Variants in RASGRF2 observed in about 807,000 individuals in gnomAD.
RASGRF2 encodes Ras protein specific guanine nucleotide releasing factor 2.
A neutral mutation model predicts 151.0 loss-of-function variants in RASGRF2; 76 were observed. That is an observed-to-expected ratio of 0.50 (90% CI 0.42 to 0.61). The LOEUF (loss-of-function observed/expected upper bound fraction) is 0.61, where lower values mean the gene tolerates loss of function less well. Ranked by LOEUF, RASGRF2 falls within the 20% of genes least tolerant of loss-of-function variation. The pLI is 0.00. For missense variants in RASGRF2, 1,148 were observed against 1,564.6 expected (o/e 0.73, Z 4.49); for synonymous variants, 504 against 566.5 (o/e 0.89, Z 1.57).
chr5:80,973,867 G>A (rs1748022049), intron 1 of RASGRF2, among the ~76,000 whole-genome samples: 1 of 152,162 alleles, frequency 6.6e-6, no homozygotes, highest in Non-Finnish European at 1.5e-5. Context: ...TGAGTATATA[G>A]ATTCGTTCAA....
intron 11 of RASGRF2, 120 bp from the exon 12 acceptor site, chr5:81,094,736 C>T: frequency 8.9e-7 from 1 of 1,120,856 alleles, no homozygotes; most frequent in Non-Finnish European, 1.3e-6. Context: ...TACGATATTG[C>T]TGAAATGAGA....
chr5:81,010,162 A>G (rs1749411292), intron 1 of RASGRF2, among the ~76,000 whole-genome samples: 2 of 151,994 alleles, frequency 1.3e-5, no homozygotes, highest in South Asian at 4.2e-4. Context: ...TCAAAAAAAA[A>G]AAAAGAAAAA....
intron 17 of RASGRF2, among the ~76,000 whole-genome samples, chr5:81,149,415 G>A (rs1011098223): frequency 6.6e-6 from 1 of 152,076 alleles, no homozygotes; most frequent in African/African-American, 2.4e-5. Flanking sequence ...CTTATAAGTG[G>A]GAGCCAAGCC....
At chr5:81,205,439 A>G (rs1755484181) in intron 19 of RASGRF2, among the ~76,000 whole-genome samples, 2 of 152,222 alleles carry the variant, frequency 1.3e-5, no homozygotes, top group Admixed American at 1.3e-4. Context: ...GCTGTCCTGT[A>G]TAACAATCCC....
At chr5:81,126,829 A>G (rs1753468066) in intron 16 of RASGRF2, among the ~76,000 whole-genome samples, 1 of 152,210 alleles carries the variant, frequency 6.6e-6, no homozygotes, top group African/African-American at 2.4e-5. Flanking sequence ...TTTGGCTACT[A>G]TGAGCAATGG....
chr5:81,053,271 C>T (rs537726127), intron 2 of RASGRF2, among the ~76,000 whole-genome samples: 1 of 110,134 alleles, frequency 9.1e-6, no homozygotes, highest in East Asian at 3.4e-4. Flanking sequence ...GTTTTCCCTC[C>T]CCCCTCCCCC....
At chr5:81,098,166 G>A (rs1231495304) in intron 12 of RASGRF2, among the ~76,000 whole-genome samples, 1 of 152,202 alleles carries the variant, frequency 6.6e-6, no homozygotes, top group Non-Finnish European at 1.5e-5. Flanking sequence ...GAGTAAAAGG[G>A]TGAAGGATGA....
chr5:81,034,804 T>TGGGGGGGGGGGGGGGGG (rs3991135), intron 1 of RASGRF2, among the ~76,000 whole-genome samples: 1 of 89,364 alleles, frequency 1.1e-5, no homozygotes, highest in Non-Finnish European at 2.3e-5. Context: ...TGTTGTGGGG[T>TGGGGGGGGGGGGGGGGG]GGGAGGGGGG....
Position 81,042,873 on chromosome 5 carries a change from C to T in RASGRF2, c.289-4C>T. The T allele has an allele frequency of 1.3e-6, 2 of 1,598,094 alleles. No individual in the cohort carries two copies. Among genetic ancestry groups the T allele is most frequent in the African/African-American group, 1.3e-5 (1 of 74,704 alleles). ...AAGTTTTTTGTGTTTCTTTTTCTTT[C>T]CAGTATTACTTTACTGTTCTTTTTG... On this transcript the variant is annotated splice_region_variant and splice_polypyrimidine_tract_variant and intron_variant, in intron 1 of 26. Coordinates refer to ENST00000265080, the MANE Select transcript of RASGRF2 (RefSeq NM_006909.3).
At chr5:80,969,812 C>CTTTTTTT (rs1561531426) in intron 1 of RASGRF2, among the ~76,000 whole-genome samples, 1 of 98,912 alleles carries the variant, frequency 1.0e-5, no homozygotes, top group African/African-American at 4.4e-5. Context: ...AATACTTCTT[C>CTTTTTTT]TTCTTTTTTT....
chr5:81,089,646 C>T (rs1430557691), intron 9 of RASGRF2, among the ~76,000 whole-genome samples: 2 of 152,164 alleles, frequency 1.3e-5, no homozygotes, highest in Non-Finnish European at 2.9e-5. Context: ...GTGTGAGTGT[C>T]TGAGGCAATG....
At chr5:81,208,680 T>C (rs1375825948) in intron 22 of RASGRF2, among the ~76,000 whole-genome samples, 1 of 150,854 alleles carries the variant, frequency 6.6e-6, no homozygotes, top group African/African-American at 2.4e-5. Flanking sequence ...GCCTCCCGAG[T>C]AGCTGGGATT....
At chr5:81,094,776 A>G in intron 11 of RASGRF2, 80 bp from the exon 12 acceptor site, 2 of 1,444,668 alleles carry the variant, frequency 1.4e-6, no homozygotes, top group Non-Finnish European at 1.9e-6. Flanking sequence ...TGGATTGTAT[A>G]AATAGAATAA....
chr5:81,041,617 T>C (rs1198327698), intron 1 of RASGRF2, among the ~76,000 whole-genome samples: 1 of 152,212 alleles, frequency 6.6e-6, no homozygotes, highest in African/African-American at 2.4e-5. Context: ...TGGAGTGGTT[T>C]AGTAAACTAG....
At chr5:81,192,930 CATTAA>C (rs1197338052) in intron 18 of RASGRF2, among the ~76,000 whole-genome samples, 1 of 152,176 alleles carries the variant, frequency 6.6e-6, no homozygotes, top group East Asian at 1.9e-4. Context: ...TCTTGAAAAT[CATTAA>C]ATTAACCCCC....
At chr5:81,009,752 A>G (rs1356714862) in intron 1 of RASGRF2, among the ~76,000 whole-genome samples, 1 of 152,254 alleles carries the variant, frequency 6.6e-6, no homozygotes, top group Non-Finnish European at 1.5e-5. Context: ...AACGTTTACT[A>G]CAGTTTTAAG....
chr5:81,183,404 C>A, intron 18 of RASGRF2: 5 of 771,858 alleles, frequency 6.5e-6, no homozygotes, highest in Non-Finnish European at 7.9e-6. Flanking sequence ...GGTTGGTTCT[C>A]CAGAGAAATA....
chr5:81,163,412 T>A (rs1754432792), intron 17 of RASGRF2, among the ~76,000 whole-genome samples: 1 of 152,028 alleles, frequency 6.6e-6, no homozygotes, highest in South Asian at 2.1e-4. Context: ...TTTTTAACCA[T>A]CTTAATTCAA....
At chr5:81,199,830 G>A (rs1234677110) in intron 18 of RASGRF2, among the ~76,000 whole-genome samples, 8 of 148,864 alleles carry the variant, frequency 5.4e-5, no homozygotes, top group Admixed American at 4.7e-4. Flanking sequence ...CCCGGGAAGC[G>A]GAGGTTGCAG....
Sources: gnomAD v4.1 joint callset for allele counts (sites outside exome capture counted in the v4.1 genomes callset) on GRCh38, gnomAD v4.1.1 for gene constraint, MANE v1.5 for transcripts, NCBI Gene and HGNC (gene_info 2026-07-23, HGNC 2026-07-21) for gene names.